REEP1: variants seen among roughly 807,000 people sequenced by gnomAD.
REEP1 encodes the protein receptor accessory protein 1.
A neutral mutation model predicts 40.3 loss-of-function variants in REEP1; 22 were observed. That is an observed-to-expected ratio of 0.55 (90% CI 0.39 to 0.78). The LOEUF is 0.78. Ranked by LOEUF, REEP1 falls within the 30% of genes least tolerant of loss-of-function variation. REEP1 has a pLI of 0.00. For missense variants in REEP1, 280 were observed against 361.1 expected (o/e 0.78, Z 1.82); for synonymous variants, 116 against 139.2 (o/e 0.83, Z 1.17).
At chr2:86,263,692 A>G (rs1574052392) in intron 3 of REEP1, among the ~76,000 whole-genome samples, 1 of 151,956 alleles carries the variant, frequency 6.6e-6, no homozygotes, top group East Asian at 1.9e-4. Context: ...TTCTTTACCA[A>G]CTCCATTAAT....
chr2:86,233,687 G>A (rs1404492223), intron 5 of REEP1, among the ~76,000 whole-genome samples: 2 of 152,128 alleles, frequency 1.3e-5, no homozygotes, highest in Admixed American at 6.5e-5. Context: ...GAGAGTGGGA[G>A]GAGACTGGGG....
At chr2:86,327,613 G>T (rs946144454) in intron 1 of REEP1, among the ~76,000 whole-genome samples, 1 of 151,420 alleles carries the variant, frequency 6.6e-6, no homozygotes, top group African/African-American at 2.4e-5. Context: ...TGCCGCCCAG[G>T]CTGGAGTACA....
chr2:86,253,720 C>T lies in REEP1; in HGVS notation c.303+974G>A, dbSNP rs571700643. 7.9e-5 allele frequency among the ~76,000 whole-genome samples: 12 copies of T among 152,284 alleles called. No homozygotes were observed. In the South Asian group the frequency reaches 1.0e-3, roughly 13 times the overall value. On this transcript the variant is annotated intron_variant, in intron 4 of 8. Coordinates refer to ENST00000538924, the MANE Select transcript of REEP1 (RefSeq NM_001371279.1). ...GGTCCGAGTTCCTAAAGAGATTTTC[C>T]GAAACTTGTACAGTAGCCTGCTCAT...
At chr2:86,221,909 A>G (rs1674450459) in intron 7 of REEP1, among the ~76,000 whole-genome samples, 1 of 152,090 alleles carries the variant, frequency 6.6e-6, no homozygotes, top group African/African-American at 2.4e-5. Flanking sequence ...CAAGGCAAAA[A>G]CTGCAGAAGC....
chr2:86,292,352 A>G (rs990823007), intron 1 of REEP1, among the ~76,000 whole-genome samples: 1 of 152,184 alleles, frequency 6.6e-6, no homozygotes, highest in African/African-American at 2.4e-5. Flanking sequence ...TAACCACAAA[A>G]TGTTTTTCAT....
At chr2:86,221,097 C>G (rs1197981300) in intron 7 of REEP1, among the ~76,000 whole-genome samples, 1 of 152,138 alleles carries the variant, frequency 6.6e-6, no homozygotes, top group Non-Finnish European at 1.5e-5. Context: ...AGATAGAAAC[C>G]ACAGCTCTTC....
intron 5 of REEP1, among the ~76,000 whole-genome samples, chr2:86,236,151 G>C (rs1675310360): frequency 6.6e-6 from 1 of 151,918 alleles, no homozygotes; most frequent in Non-Finnish European, 1.5e-5. Flanking sequence ...GGGAGGTGGA[G>C]GTTGCAGTGA....
intron 5 of REEP1, among the ~76,000 whole-genome samples, chr2:86,241,066 G>C (rs528592966): frequency 1.3e-5 from 2 of 152,188 alleles, no homozygotes; most frequent in African/African-American, 4.8e-5. Context: ...GACCAAGCCC[G>C]GCCATCTGAG....
At position 86,217,684 on chromosome 2, in the gene REEP1, T is replaced by TTC. The variant is rs1553456158; in HGVS notation, c.784-575_784-574insGA. Among the ~76,000 whole-genome samples, 10 of 127,866 alleles carry TTC rather than the reference T, an allele frequency of 7.8e-5. No individual in the cohort carries two copies. In the East Asian group the frequency reaches 1.1e-3, roughly 15 times the overall value. The allele number at this position is 127,866 out of a possible 152,430, so 83.9% of individuals were successfully genotyped here. A position where few individuals can be genotyped will look rare whatever the true frequency, so the allele number is the denominator to read the frequency against. On this transcript the variant is annotated intron_variant, in intron 8 of 8. Coordinates refer to ENST00000538924, the MANE Select transcript of REEP1 (RefSeq NM_001371279.1). Reference sequence around the variant, plus strand: ...ATTTCAGATTTTTTTTTTTTTTTTTTCAGATTTTGGGATGTTTGCATATAC... The same window carrying TTC: ...ATTTCAGATTTTTTTTTTTTTTTTTTTCCAGATTTTGGGATGTTTGCATATAC...
chr2:86,334,116 C>T (rs1001781626), intron 1 of REEP1, among the ~76,000 whole-genome samples: 2 of 152,152 alleles, frequency 1.3e-5, no homozygotes, highest in African/African-American at 2.4e-5. Flanking sequence ...TGTGAAAGAC[C>T]CATGGCAGGG....
At chr2:86,251,863 G>T in intron 5 of REEP1, 94 bp downstream of exon 5, 1 of 885,876 alleles carries the variant, frequency 1.1e-6, no homozygotes, top group Non-Finnish European at 1.9e-6. Flanking sequence ...CCACTGATTG[G>T]TCCTTAGCCT....
At chr2:86,268,290 A>T (rs964315688) in intron 2 of REEP1, among the ~76,000 whole-genome samples, 2 of 152,226 alleles carry the variant, frequency 1.3e-5, no homozygotes, top group African/African-American at 4.8e-5. Context: ...ATAAATGATT[A>T]GAGCAAGGTT....
rs1313478910 is a variant in REEP1, at chr2:86,266,660, A to AAAAT, written c.106-2623_106-2620dup. On this transcript the variant is annotated intron_variant, in intron 2 of 8. Transcript: ENST00000538924. ...AAATAAAAATAAAAATAAAAAAAAT[A>AAAAT]AAATAAATAAATAAATAAATAAAGA... Among the ~76,000 whole-genome samples, 62 of 147,840 alleles carry AAAAT rather than the reference A, an allele frequency of 4.2e-4. 2 individuals carry two copies. The highest frequency in any genetic ancestry group is 2.5e-3 in the South Asian group (12 of 4,796).
At chr2:86,238,119 TGAGGTGAGCCG>T (rs1675461579) in intron 5 of REEP1, among the ~76,000 whole-genome samples, 1 of 152,066 alleles carries the variant, frequency 6.6e-6, no homozygotes, top group Admixed American at 6.5e-5. Context: ...AGGCAGAGGT[TGAGGTGAGCCG>T]AGATCGTGCC....
intron 7 of REEP1, among the ~76,000 whole-genome samples, chr2:86,221,544 C>T (rs939150088): frequency 6.6e-6 from 1 of 152,160 alleles, no homozygotes; most frequent in Non-Finnish European, 1.5e-5. Flanking sequence ...AATACTCTGA[C>T]CCTCCCTGGC....
At position 86,223,454 on chromosome 2, in the gene REEP1, G is replaced by A. The variant is rs534925785; in HGVS notation, c.632-3333C>T. On this transcript the variant is annotated intron_variant, in intron 7 of 8. Coordinates refer to ENST00000538924, the MANE Select transcript of REEP1 (RefSeq NM_001371279.1). ...GGAGCATTAATGGAAGGCAGCAAAT[G>A]TCTGCAGAAGAGCACGCCTGTCTGG... 3 of 152,418 alleles carry A rather than the reference G, an allele frequency of 2.0e-5. No individual in the cohort carries two copies. In the East Asian group the frequency reaches 5.8e-4, roughly 29 times the overall value. The allele number at this position is 152,418 out of a possible 1,614,324, so 9.4% of individuals were successfully genotyped here.
Position 86,330,412 on chromosome 2 carries a change from C to G in REEP1, c.32+7067G>C, listed in dbSNP as rs1345232290. 4.4e-5 allele frequency among the ~76,000 whole-genome samples: 5 copies of G among 112,404 alleles called. No homozygotes were observed. In the East Asian group the frequency reaches 1.3e-3, roughly 29 times the overall value. 73.7% of individuals were successfully genotyped at this position (112,404 alleles called of 152,430 possible). A position where few individuals can be genotyped will look rare whatever the true frequency, so the allele number is the denominator to read the frequency against. On this transcript the variant is annotated intron_variant, in intron 1 of 8. Transcript: ENST00000538924. ...GTGACTCTCCCTACCACAGTGAATC[C>G]TGGTGTGTGTGTGTGTGTGTGTGTG... is the stretch of plus-strand genomic sequence containing the variant.
intron 3 of REEP1, among the ~76,000 whole-genome samples, chr2:86,260,413 T>A (rs1368708304): frequency 6.6e-6 from 1 of 152,162 alleles, no homozygotes; most frequent in African/African-American, 2.4e-5. Flanking sequence ...CATACCTGCA[T>A]ACATGCTCCA....
intron 5 of REEP1, among the ~76,000 whole-genome samples, chr2:86,236,358 G>A (rs1389240903): frequency 6.6e-6 from 1 of 152,092 alleles, no homozygotes; most frequent in Non-Finnish European, 1.5e-5. Context: ...CAGAATCTTT[G>A]TTATTCTAGA....
Sources: gnomAD v4.1 joint callset for allele counts (sites outside exome capture counted in the v4.1 genomes callset) on GRCh38, gnomAD v4.1.1 for gene constraint, MANE v1.5 for transcripts, NCBI Gene and HGNC (gene_info 2026-07-23, HGNC 2026-07-21) for gene names.